Variants in C8orf34 observed in about 807,000 individuals in gnomAD.
The protein encoded by C8orf34 is chromosome 8 open reading frame 34.
Under a neutral mutation model 68.3 loss-of-function variants are expected in C8orf34, and 65 were observed. The observed-to-expected ratio is 0.95, with a 90% CI of 0.78 to 1.17. C8orf34 has a LOEUF of 1.17. C8orf34 is among the 50% of genes most tolerant of loss of function. The probability of loss-of-function intolerance (pLI) is 0.00; values close to 1 mark genes in which losing one functional copy is unlikely to be tolerated. For synonymous variants in C8orf34, 244 were observed against 241.2 expected (o/e 1.01, Z -0.11); for missense variants, 664 against 655.4 (o/e 1.01, Z -0.14).
chr8:68,442,817 G>C (rs16934627), intron 2 of C8orf34, among the ~76,000 whole-genome samples: 14,729 of 152,144 alleles, frequency 0.097, 775 homozygotes, highest in Admixed American at 0.11. Context: ...GTTTGTCTAA[G>C]AATAAAGAGG....
chr8:68,679,080 C>G (rs1418002575), intron 8 of C8orf34, among the ~76,000 whole-genome samples: 1 of 151,896 alleles, frequency 6.6e-6, no homozygotes. Context: ...GTGGGCTGAT[C>G]ACAAGGTCAG....
intron 7 of C8orf34, among the ~76,000 whole-genome samples, chr8:68,559,682 C>G (rs1231066858): frequency 6.6e-6 from 1 of 152,110 alleles, no homozygotes; most frequent in South Asian, 2.1e-4. Context: ...TCGAAAAACA[C>G]CTCAGCCTAA....
intron 12 of C8orf34, among the ~76,000 whole-genome samples, chr8:68,803,357 A>G (rs1249688087): frequency 1.3e-5 from 2 of 152,116 alleles, no homozygotes; most frequent in Admixed American, 6.5e-5. Flanking sequence ...ATTTTTGAAA[A>G]TTAATCAGGA....
intron 1 of C8orf34, among the ~76,000 whole-genome samples, chr8:68,399,644 A>G (rs556139452): frequency 1.3e-5 from 2 of 152,170 alleles, no homozygotes; most frequent in Non-Finnish European, 2.9e-5. Context: ...CCTTCTTGAT[A>G]TAATAATTTC....
At chr8:68,697,807 A>G (rs1378444284) in intron 8 of C8orf34, among the ~76,000 whole-genome samples, 1 of 152,116 alleles carries the variant, frequency 6.6e-6, no homozygotes, top group Non-Finnish European at 1.5e-5. Flanking sequence ...CCAATTTAGG[A>G]AAGTGATCCC....
At chr8:68,600,598 G>T (rs1243441124) in intron 7 of C8orf34, among the ~76,000 whole-genome samples, 1 of 152,058 alleles carries the variant, frequency 6.6e-6, no homozygotes, top group Non-Finnish European at 1.5e-5. Context: ...GATAGATATA[G>T]CTTTACAGTT....
chr8:68,650,605 A>G (rs1056001854), intron 8 of C8orf34, among the ~76,000 whole-genome samples: 4 of 148,434 alleles, frequency 2.7e-5, no homozygotes, highest in Admixed American at 6.8e-5. Flanking sequence ...TCAGCCTCCC[A>G]AGTAGCTGGG....
intron 8 of C8orf34, among the ~76,000 whole-genome samples, chr8:68,698,395 G>C (rs1364853133): frequency 3.9e-5 from 6 of 152,058 alleles, no homozygotes; most frequent in Non-Finnish European, 8.8e-5. Context: ...AAAACCTACT[G>C]TCACTTTCAA....
chr8:68,746,219 C>T (rs891384619), intron 10 of C8orf34, among the ~76,000 whole-genome samples: 2 of 151,630 alleles, frequency 1.3e-5, no homozygotes, highest in African/African-American at 2.4e-5. Context: ...CAGAATCTCT[C>T]GGACACATTC....
chr8:68,687,297 A>G (rs1392275780), intron 8 of C8orf34, among the ~76,000 whole-genome samples: 2 of 152,156 alleles, frequency 1.3e-5, no homozygotes, highest in Non-Finnish European at 2.9e-5. Flanking sequence ...AAGAGCCTGA[A>G]TAGCCAAAGC....
At chr8:68,747,249 C>G (rs2129527485) in intron 10 of C8orf34, among the ~76,000 whole-genome samples, 1 of 151,464 alleles carries the variant, frequency 6.6e-6, no homozygotes, top group East Asian at 1.9e-4. Flanking sequence ...ATAATAAGAG[C>G]TATCTATGAC....
chr8:68,654,507 T>A (rs1362043622), intron 8 of C8orf34, among the ~76,000 whole-genome samples: 2 of 152,220 alleles, frequency 1.3e-5, no homozygotes, highest in Non-Finnish European at 2.9e-5. Context: ...GATTCATTTG[T>A]ATCTAATTCA....
intron 7 of C8orf34, among the ~76,000 whole-genome samples, chr8:68,623,463 C>T (rs1393060072): frequency 6.6e-6 from 1 of 152,016 alleles, no homozygotes; most frequent in African/African-American, 2.4e-5. Flanking sequence ...TCCCAATGTT[C>T]CCTTGTTTTA....
intron 6 of C8orf34, chr8:68,525,425 CT>C (rs1428018253): frequency 2.4e-5 from 10 of 414,474 alleles, no homozygotes; most frequent in Non-Finnish European, 3.9e-5. Context: ...TTATAAATTT[CT>C]TAATTTCTTT....
chr8:68,448,854 A>G (rs938228929), intron 3 of C8orf34, among the ~76,000 whole-genome samples: 9 of 152,068 alleles, frequency 5.9e-5, no homozygotes, highest in African/African-American at 2.2e-4. Flanking sequence ...CTATATGGCT[A>G]AAGTAATATC....
At chr8:68,723,907 C>A (rs1264715659) in intron 10 of C8orf34, among the ~76,000 whole-genome samples, 4 of 152,078 alleles carry the variant, frequency 2.6e-5, no homozygotes, top group African/African-American at 9.7e-5. Flanking sequence ...TACTGCTTCC[C>A]CAATGCAAAA....
chr8:68,615,524 CT>C (rs1188427142), intron 7 of C8orf34, among the ~76,000 whole-genome samples: 4 of 152,078 alleles, frequency 2.6e-5, no homozygotes, highest in Non-Finnish European at 4.4e-5. Context: ...TGTCAAAGGC[CT>C]TTTCTGCATC....
chr8:68,367,846 A>G (rs1295187043), intron 1 of C8orf34, among the ~76,000 whole-genome samples: 2 of 136,764 alleles, frequency 1.5e-5, no homozygotes, highest in African/African-American at 2.7e-5. Context: ...ACATGTATAC[A>G]TATGTAACTA....
chr8:68,736,399 C>T (rs1220307790), intron 10 of C8orf34, among the ~76,000 whole-genome samples: 1 of 152,014 alleles, frequency 6.6e-6, no homozygotes, highest in Non-Finnish European at 1.5e-5. Context: ...AATGGTACCC[C>T]CAATCATATA....
Sources: gnomAD v4.1 joint callset for allele counts (sites outside exome capture counted in the v4.1 genomes callset) on GRCh38, gnomAD v4.1.1 for gene constraint, MANE v1.5 for transcripts, NCBI Gene and HGNC (gene_info 2026-07-23, HGNC 2026-07-21) for gene names.